DEF6: variants seen among roughly 807,000 people sequenced by gnomAD.
The protein encoded by DEF6 is DEF6 guanine nucleotide exchange factor.
DEF6 carries 32 observed loss-of-function variants against 80.5 expected under a neutral mutation model. The observed-to-expected ratio is 0.40, with a 90% CI of 0.30 to 0.53. DEF6 has a LOEUF of 0.53. DEF6 is among the 20% of genes least tolerant of loss of function. The pLI, the probability that DEF6 is intolerant of heterozygous loss-of-function variation, is 0.57. For synonymous variants in DEF6, 300 were observed against 337.9 expected (o/e 0.89, Z 1.23); for missense variants, 575 against 818.7 (o/e 0.70, Z 3.63).
At chr6:35,311,682 G>A (rs1048055855) in intron 3 of DEF6, among the ~76,000 whole-genome samples, 2 of 152,130 alleles carry the variant, frequency 1.3e-5, no homozygotes, top group East Asian at 1.9e-4. Flanking sequence ...ACTGCAGCAG[G>A]ATGTACCCCA....
chr6:35,299,514 G>A (rs1791284781), intron 1 of DEF6, among the ~76,000 whole-genome samples: 1 of 152,078 alleles, frequency 6.6e-6, no homozygotes, highest in South Asian at 2.1e-4. Flanking sequence ...GGTGCCATCA[G>A]CCAGTAAAGC....
chr6:35,320,104 C>A, intron 9 of DEF6, 87 bp downstream of exon 9: 2 of 1,353,704 alleles, frequency 1.5e-6, no homozygotes, highest in Non-Finnish European at 1.0e-6. Flanking sequence ...TTCCCTCAAA[C>A]CCTGGCCCTA....
At chr6:35,301,727 C>CTTTTTTT (rs71538302) in intron 1 of DEF6, among the ~76,000 whole-genome samples, 17 of 131,728 alleles carry the variant, frequency 1.3e-4, no homozygotes, top group African/African-American at 4.5e-4. Context: ...GGAGCTGTGT[C>CTTTTTTT]TTTTTTTTTT....
At position 35,318,747 on chromosome 6, in the gene DEF6, C is replaced by G. The variant is rs1362818691; in HGVS notation, c.1215+276C>G. ...GATGGATGGGGCCTGGTTCGGAGAC[C>G]TTGGCTGTGGGTTGGGGCTTGGGCA... is the stretch of plus-strand genomic sequence containing the variant. On this transcript the variant is annotated intron_variant, in intron 7 of 10. Transcript: ENST00000316637. This position sits in a 1 kb window ranked among gnomAD's most constrained non-coding sequence, Gnocchi z 5.1. 6.6e-6 allele frequency among the ~76,000 whole-genome samples: 1 copy of G among 152,116 alleles called. No homozygotes were observed. The highest frequency in any genetic ancestry group is 1.5e-5 in the Non-Finnish European group (1 of 68,012).
chr6:35,309,942 C>G (rs1791441552), intron 2 of DEF6, 132 bp downstream of exon 2: 2 of 1,096,330 alleles, frequency 1.8e-6, no homozygotes, highest in Non-Finnish European at 2.6e-6. Context: ...CTGTCCGTGA[C>G]TGCTGTCCCA....
chr6:35,302,025 C>G (rs932216515), intron 1 of DEF6, among the ~76,000 whole-genome samples: 1 of 151,670 alleles, frequency 6.6e-6, no homozygotes, highest in Non-Finnish European at 1.5e-5. Context: ...CTGCACCTGG[C>G]TGGATCTGTG....
At position 35,312,566 on chromosome 6, in the gene DEF6, C is replaced by T. The variant is rs1167098435; in HGVS notation, c.660+28C>T. 6.2e-7 allele frequency: 1 copy of T among 1,613,992 alleles called. No individual in the cohort carries two copies. Among genetic ancestry groups the T allele is most frequent in the Non-Finnish European group, 8.5e-7 (1 of 1,179,912 alleles). On this transcript the variant is annotated intron_variant, in intron 4 of 10. Transcript: ENST00000316637. The surrounding 1 kb of genome is among the most constrained non-coding windows in gnomAD (Gnocchi z 6.6). ...CAGGCAAGCTGGGAACTAGGGGAAG[C>T]ACACAAGGTGCAGGGCGAAGGGGGG...
chr6:35,321,537 C>T lies in DEF6; in HGVS notation c.*127C>T, dbSNP rs1303493452. 2.4e-6 allele frequency: 2 copies of T among 845,978 alleles called. No homozygotes were observed. Among genetic ancestry groups the T allele is most frequent in the South Asian group, 1.8e-5 (1 of 56,900 alleles). 52.4% of individuals were successfully genotyped at this position (845,978 alleles called of 1,614,324 possible). ...TCCTGGTGCCAGGGGCCCAGGCCCT[C>T]CAACCATAAACAGTCCAGGATGGAA... On this transcript the variant is annotated 3_prime_UTR_variant, in exon 11 of 11. Transcript: ENST00000316637.
Position 35,310,660 on chromosome 6 carries a change from G to A in DEF6, c.423+16G>A. 1 of 1,614,014 alleles carries A rather than the reference G, an allele frequency of 6.2e-7. No individual in the cohort carries two copies. Among genetic ancestry groups the A allele is most frequent in the Non-Finnish European group, 8.5e-7 (1 of 1,179,956 alleles). The stretch of plus-strand genomic sequence containing the variant: ...TCCTGATGAGGTGAGGGTGATGGCA[G>A]CCCCAGGGACTGAATCACTTGGGAC... On this transcript the variant is annotated intron_variant, in intron 3 of 10. Coordinates refer to ENST00000316637, the MANE Select transcript of DEF6 (RefSeq NM_022047.4).
chr6:35,298,061 C>A, intron 1 of DEF6, 109 bp downstream of exon 1: 1 of 1,009,228 alleles, frequency 9.9e-7, no homozygotes, highest in Non-Finnish European at 1.5e-6. Flanking sequence ...CCCAGCCATC[C>A]AGCGTCCCGG....
At chr6:35,315,968 C>G (rs1027193560) in intron 5 of DEF6, 1 of 152,342 alleles carries the variant, frequency 6.6e-6, no homozygotes, top group Non-Finnish European at 1.5e-5. Flanking sequence ...AAGTGATTCT[C>G]CTGCCTCAGC....
At chr6:35,306,874 CATT>C (rs929815120) in intron 1 of DEF6, among the ~76,000 whole-genome samples, 3 of 152,240 alleles carry the variant, frequency 2.0e-5, no homozygotes, top group African/African-American at 7.2e-5. Flanking sequence ...CAGACCCTAT[CATT>C]ATCCTCACAG....
chr6:35,317,050 A>C (rs1582233668), intron 5 of DEF6, among the ~76,000 whole-genome samples: 1 of 152,250 alleles, frequency 6.6e-6, no homozygotes, highest in East Asian at 1.9e-4. Context: ...TCAGAATTTC[A>C]TTCCTTTTTA....
At chr6:35,313,946 T>C (rs1398888397) in intron 5 of DEF6, among the ~76,000 whole-genome samples, 2 of 152,254 alleles carry the variant, frequency 1.3e-5, no homozygotes, top group African/African-American at 2.4e-5. Flanking sequence ...TACTTTCTTT[T>C]AGATATATAC....
chr6:35,313,767 T>C (rs1251825466), intron 5 of DEF6, among the ~76,000 whole-genome samples: 1 of 152,252 alleles, frequency 6.6e-6, no homozygotes, highest in Non-Finnish European at 1.5e-5. Context: ...TCTATGTTGT[T>C]GCAAATGACA....
chr6:35,305,268 C>T (rs184594169), intron 1 of DEF6, among the ~76,000 whole-genome samples: 13 of 151,276 alleles, frequency 8.6e-5, no homozygotes, highest in Non-Finnish European at 1.6e-4. Flanking sequence ...ACCTCAGCCT[C>T]CTGAGTAGCT....
At chr6:35,309,513 A>G (rs1288726982) in intron 1 of DEF6, among the ~76,000 whole-genome samples, 157 bp from the exon 2 acceptor site, 2 of 152,222 alleles carry the variant, frequency 1.3e-5, no homozygotes, top group East Asian at 3.9e-4. Context: ...AGTGCTTGGC[A>G]CATAGTATAT....
In DEF6 at chr6:35,321,527, C is replaced by A. The variant is rs941105957; in HGVS notation, c.*117C>A. 1.9e-5 allele frequency: 17 copies of A among 909,060 alleles called. No homozygotes were observed. The Admixed American group carries it at 4.5e-4, about 24-fold the overall frequency. The allele number at this position is 909,060 out of a possible 1,614,324, so 56.3% of individuals were successfully genotyped here. A position where few individuals can be genotyped will look rare whatever the true frequency, so the allele number is the denominator to read the frequency against. ...GGAGCTGAGGTCCTGGTGCCAGGGGCCCAGGCCCTCCAACCATAAACAGTC... is the reference window on the plus strand; with the variant it reads ...GGAGCTGAGGTCCTGGTGCCAGGGGACCAGGCCCTCCAACCATAAACAGTC... On this transcript the variant is annotated 3_prime_UTR_variant, in exon 11 of 11. Transcript: ENST00000316637.
intron 1 of DEF6, among the ~76,000 whole-genome samples, chr6:35,298,991 T>C (rs1220958172): frequency 6.6e-6 from 1 of 152,166 alleles, no homozygotes; most frequent in Non-Finnish European, 1.5e-5. Context: ...GCTGGATACC[T>C]GAGAGATGAA....
Sources: allele counts gnomAD v4.1 joint callset (sites outside exome capture counted in the v4.1 genomes callset), GRCh38; gene constraint gnomAD v4.1.1; non-coding constraint Gnocchi (gnomAD v3.1); transcripts MANE v1.5; gene names NCBI Gene and HGNC (gene_info 2026-07-23, HGNC 2026-07-21).